The following NSD3 variants were observed in gnomAD, a reference collection of about 807,000 sequenced individuals.
NSD3 encodes nuclear receptor binding SET domain protein 3.
Under a neutral mutation model 160.8 loss-of-function variants are expected in NSD3, and 24 were observed. The observed-to-expected ratio is 0.15, with a 90% confidence interval of 0.11 to 0.21. The LOEUF (loss-of-function observed/expected upper bound fraction) is 0.21, where lower values mean the gene tolerates loss of function less well. NSD3 is among the 10% of genes least tolerant of loss of function. The pLI, the probability that NSD3 is intolerant of heterozygous loss-of-function variation, is 1.00. For missense variants in NSD3, 1,157 were observed against 1,735.9 expected (o/e 0.67, Z 5.93); for synonymous variants, 520 against 600.0 (o/e 0.87, Z 1.95).
Position 38,305,441 on chromosome 8 carries a change from C to T in NSD3, c.2247G>A (p.Gln749=). ...ACACTTTACACGAAAAACATGGGTGCTGCCCTGGAAAATTGGTGAGGAATA... is the reference window on the plus strand; with the variant it reads ...ACACTTTACACGAAAAACATGGGTGTTGCCCTGGAAAATTGGTGAGGAATA... The part of the protein sequence containing the change: ...KFICMECKTG[Q]HPCFSCKVSG... The change falls in exon 13 of 24, where the codon CAG becomes CAA. Residue 749 remains glutamine, a synonymous_variant. Coordinates refer to ENST00000317025, the MANE Select transcript of NSD3 (RefSeq NM_023034.2). 3 of 1,613,994 alleles carry T rather than the reference C, an allele frequency of 1.9e-6. No individual in the cohort carries two copies. The highest frequency in any genetic ancestry group is 3.3e-4 in the Middle Eastern group (2 of 6,062).
intron 1 of NSD3, chr8:38,380,670 ATG>A (rs1264213153): frequency 1.3e-5 from 2 of 152,302 alleles, no homozygotes; most frequent in African/African-American, 4.8e-5. Flanking sequence ...AAAGGTAGTG[ATG>A]GAAAACATCA....
intron 15 of NSD3, among the ~76,000 whole-genome samples, chr8:38,297,843 A>C (rs768324418): frequency 6.6e-6 from 1 of 152,118 alleles, no homozygotes; most frequent in Non-Finnish European, 1.5e-5. Flanking sequence ...ATCAGAAAGG[A>C]ATGACCAGCA....
chr8:38,376,139 A>T (rs1415271203), intron 1 of NSD3, among the ~76,000 whole-genome samples: 1 of 151,972 alleles, frequency 6.6e-6, no homozygotes, highest in Non-Finnish European at 1.5e-5. Flanking sequence ...TGGACCTCTA[A>T]TTTTTTTCGT....
intron 16 of NSD3, among the ~76,000 whole-genome samples, chr8:38,292,752 G>A (rs1369191299): frequency 6.6e-6 from 1 of 151,966 alleles, no homozygotes; most frequent in East Asian, 1.9e-4. Context: ...TCGTGCCACT[G>A]TACTCCAGCC....
At chr8:38,325,493 A>C (rs926306794) in intron 7 of NSD3, among the ~76,000 whole-genome samples, 3 of 152,242 alleles carry the variant, frequency 2.0e-5, no homozygotes, top group Non-Finnish European at 4.4e-5. Flanking sequence ...TATTACAGAA[A>C]TACTACTAAT....
Position 38,321,788 on chromosome 8 carries a change from G to A in NSD3, c.1709-616C>T, listed in dbSNP as rs575761319. 2.6e-5 allele frequency among the ~76,000 whole-genome samples: 4 copies of A among 152,274 alleles called. No individual in the cohort carries two copies. The highest frequency in any genetic ancestry group is 4.1e-4 in the South Asian group (2 of 4,832). The stretch of plus-strand genomic sequence containing the variant: ...TGTTATACTCTGGAAATAATTAGTC[G>A]TGGAAAACTAGTTGAAACAAATTAT... On this transcript the variant is annotated intron_variant, in intron 7 of 23. Transcript: ENST00000317025. The surrounding 1 kb of genome is among the most constrained non-coding windows in gnomAD (Gnocchi z 4.7).
chr8:38,299,585 T>C lies in NSD3; in HGVS notation c.2617A>G (p.Ile873Val). 1 of 1,590,366 alleles carries C rather than the reference T, an allele frequency of 6.3e-7. No homozygotes were observed. Among genetic ancestry groups the C allele is most frequent in the Non-Finnish European group, 8.5e-7 (1 of 1,170,178 alleles). The change falls in exon 15 of 24, where the codon ATA becomes GTA. Residue 873 changes from isoleucine (I) to valine (V), a missense_variant. Coordinates refer to ENST00000317025, the MANE Select transcript of NSD3 (RefSeq NM_023034.2). The stretch of plus-strand genomic sequence containing the variant: ...ATGGGGTCTGAATGGTCCTGAACTA[T>C]CAGCCCTATACGAAACAAACAGAAA... ...GFCFVCARGL[I>V]VQDHSDPMFS...
In NSD3 at chr8:38,278,129, G is replaced by T. The variant is rs529857774; in HGVS notation, c.3867+177C>A. On this transcript the variant is annotated intron_variant, in intron 22 of 23. Coordinates refer to ENST00000317025, the MANE Select transcript of NSD3 (RefSeq NM_023034.2). ...AATTTTTTGTATTTTTAGTAGAGATGGGGTTTCACCGTGTTAGCCAGGATG... is the reference window on the plus strand; with the variant it reads ...AATTTTTTGTATTTTTAGTAGAGATTGGGTTTCACCGTGTTAGCCAGGATG... 5.1e-4 allele frequency among the ~76,000 whole-genome samples: 77 copies of T among 152,096 alleles called. 1 individual carries two copies. The highest frequency in any genetic ancestry group is 1.8e-3 in the African/African-American group (75 of 41,502).
chr8:38,293,922 C>CAAAAAAAAAAAAAAAAAAAAAAAAAA (rs11290856), intron 16 of NSD3, among the ~76,000 whole-genome samples: 1 of 49,936 alleles, frequency 2.0e-5, no homozygotes, highest in African/African-American at 9.3e-5. Context: ...GACTCCGTCT[C>CAAAAAAAAAAAAAAAAAAAAAAAAAA]AAAAAAAAAA....
intron 1 of NSD3, among the ~76,000 whole-genome samples, chr8:38,348,573 A>G (rs1354774887): frequency 6.6e-6 from 1 of 152,252 alleles, no homozygotes; most frequent in Non-Finnish European, 1.5e-5. Flanking sequence ...CCTGACACAT[A>G]TCAATCTGCT....
At chr8:38,340,210 G>T (rs1220159198) in intron 2 of NSD3, among the ~76,000 whole-genome samples, 35 of 151,972 alleles carry the variant, frequency 2.3e-4, no homozygotes, top group Admixed American at 2.3e-3. Context: ...ATTAAAGTAG[G>T]TCTTCACTCC....
chr8:38,342,851 G>A (rs1468201689), intron 2 of NSD3, among the ~76,000 whole-genome samples: 1 of 151,560 alleles, frequency 6.6e-6, no homozygotes, highest in African/African-American at 2.4e-5. Flanking sequence ...AGCCACCACG[G>A]CCTTCAGCCT....
chr8:38,371,839 C>T (rs1328184343), intron 1 of NSD3, among the ~76,000 whole-genome samples: 4 of 152,168 alleles, frequency 2.6e-5, no homozygotes, highest in Non-Finnish European at 1.5e-5. Context: ...TCAGCAGGTA[C>T]TCAGTGGGAA....
rs1215951564 is a variant in NSD3 at position 38,315,959 on chromosome 8, A to G, written c.1939T>C (p.Tyr647His). The change falls in exon 10 of 24, where the codon TAC (tyrosine) becomes CAC (histidine). Residue 647 changes from tyrosine to histidine, a missense_variant. Coordinates refer to ENST00000317025, the MANE Select transcript of NSD3 (RefSeq NM_023034.2). ...GAATCGGAGTCAGATGTGTCTCTGTATGCTGAACTAGTCATTTCTACATCA... is the reference window on the plus strand; with the variant it reads ...GAATCGGAGTCAGATGTGTCTCTGTGTGCTGAACTAGTCATTTCTACATCA... ...STDVEMTSSA[Y>H]RDTSDSDSRG... The G allele has an allele frequency of 6.2e-7, 1 of 1,613,810 alleles. No individual in the cohort carries two copies. The highest frequency in any genetic ancestry group is 8.5e-7 in the Non-Finnish European group (1 of 1,179,996).
rs1809615359 is a variant in NSD3, at chr8:38,314,733, C to T, written c.2156G>A (p.Gly719Glu). The T allele has an allele frequency of 2.5e-6, 4 of 1,614,176 alleles. No individual in the cohort carries two copies. Among genetic ancestry groups the T allele is most frequent in the Non-Finnish European group, 3.4e-6 (4 of 1,180,030 alleles). Residue 719 changes from glycine (G) to glutamate (E), a missense_variant, in exon 12 of 24, where the codon GGA becomes GAA. Around this residue, in one of 10 missense-constraint regions of NSD3, gnomAD observed 437 missense variants for 576.6 expected, o/e 0.76. Coordinates refer to ENST00000317025, the MANE Select transcript of NSD3 (RefSeq NM_023034.2). ...SSGDSLIPCE[G>E]ECCKHFHLEC... ...CAGGTGAAAGTGTTTGCAGCACTCT[C>T]CCTCACAAGGAATCAGAGAGTCACC...
rs1302020175 is a variant in NSD3, at chr8:38,289,428, T to C, written c.3196A>G (p.Asn1066Asp). ...TTGTAGGGAGGGGGTTTTCTTGAGT[T>C]TTTTTCAATCTCTAGGGCTTCTTTA... ...ESKEALEIEK[N>D]SRKPPPYKHI... The change falls in exon 18 of 24, where the codon AAC (asparagine) becomes GAC (aspartate). Residue 1066 changes from asparagine (N) to aspartate (D), a missense_variant. By Grantham distance (23) the Asn-to-Asp change is conservative. Transcript: ENST00000317025. 1 of 1,613,846 alleles carries C rather than the reference T, an allele frequency of 6.2e-7. No homozygotes were observed. Among genetic ancestry groups the C allele is most frequent in the Non-Finnish European group, 8.5e-7 (1 of 1,179,946 alleles).
Position 38,329,807 on chromosome 8 carries a change from T to G in NSD3, c.1152A>C (p.Glu384Asp), listed in dbSNP as rs542208137. 1.9e-6 allele frequency: 3 copies of G among 1,613,854 alleles called. No individual in the cohort carries two copies. Among genetic ancestry groups the G allele is most frequent in the African/African-American group, 1.3e-5 (1 of 75,060 alleles). ...TAAAAGTATACTGTTCTATTCTTTC[T>G]TCTCGAGTCATTTTCAATGCTTTCT... is the stretch of plus-strand genomic sequence containing the variant. ...HAEKALKMTR[E>D]ERIEQYTFIY... The change falls in exon 6 of 24, where the codon GAA becomes GAC. Residue 384 changes from glutamate to aspartate, a missense_variant. By Grantham distance (45) the Glu-to-Asp change is conservative. Transcript: ENST00000317025. The surrounding 1 kb of genome is among the most constrained non-coding windows in gnomAD (Gnocchi z 4.8).
chr8:38,281,368 A>G, intron 20 of NSD3, 99 bp downstream of exon 20: 1 of 583,646 alleles, frequency 1.7e-6, no homozygotes, highest in Non-Finnish European at 2.7e-6. Flanking sequence ...GCTCTGCCTG[A>G]AGAAAAATCA....
chr8:38,377,792 G>A (rs1186626414), intron 1 of NSD3, among the ~76,000 whole-genome samples: 1 of 152,034 alleles, frequency 6.6e-6, no homozygotes, highest in East Asian at 1.9e-4. Context: ...AAATTAGCCG[G>A]CACGGTGGTG....
Sources: allele counts gnomAD v4.1 joint callset (sites outside exome capture counted in the v4.1 genomes callset), GRCh38; gene constraint gnomAD v4.1.1; regional missense constraint gnomAD v4.1.1; non-coding constraint Gnocchi (gnomAD v3.1); transcripts MANE v1.5; gene names NCBI Gene and HGNC (gene_info 2026-07-23, HGNC 2026-07-21).